The following RWDD3 variants were observed in gnomAD, a reference collection of about 807,000 sequenced individuals.
The protein encoded by RWDD3 is RWD domain-containing protein 3.
In RWDD3, 30 loss-of-function variants were observed where a neutral mutation model predicts 26.5. That is an observed-to-expected ratio of 1.13 (90% confidence interval 0.85 to 1.54). RWDD3 has a LOEUF of 1.54. Ranked by LOEUF, RWDD3 falls within the 40% of genes most tolerant of loss-of-function variation. The pLI, the probability that RWDD3 is intolerant of heterozygous loss-of-function variation, is 0.00. For synonymous variants in RWDD3, 113 were observed against 114.5 expected (o/e 0.99, Z 0.09); for missense variants, 296 against 309.1 (o/e 0.96, Z 0.32).
intron 1 of RWDD3, among the ~76,000 whole-genome samples, chr1:95,241,817 T>A (rs1680637955): frequency 6.6e-6 from 1 of 152,018 alleles, no homozygotes; most frequent in East Asian, 1.9e-4. Flanking sequence ...ATGACAAGGG[T>A]CATGAGTAAA....
At chr1:95,236,943 T>C (rs983233803) in intron 1 of RWDD3, among the ~76,000 whole-genome samples, 1 of 152,214 alleles carries the variant, frequency 6.6e-6, no homozygotes, top group Admixed American at 6.5e-5. Context: ...TTGAGAACAC[T>C]GTGAACCCTT....
At chr1:95,245,013 A>G (rs568095472) in intron 2 of RWDD3, 105 of 262,382 alleles carry the variant, frequency 4.0e-4, no homozygotes, top group African/African-American at 2.2e-3. Flanking sequence ...AATTTTATAA[A>G]TGTGCACTAA....
At chr1:95,234,347 C>T in intron 1 of RWDD3, 32 bp downstream of exon 1, 2 of 1,554,086 alleles carry the variant, frequency 1.3e-6, no homozygotes, top group East Asian at 2.4e-5. Flanking sequence ...GGACAGGGCG[C>T]CCTCAGGGGC....
intron 1 of RWDD3, among the ~76,000 whole-genome samples, chr1:95,238,992 T>G (rs1680490749): frequency 6.6e-6 from 1 of 152,236 alleles, no homozygotes; most frequent in Non-Finnish European, 1.5e-5. Flanking sequence ...CAGAATGATT[T>G]GGTTAGAAAC....
At chr1:95,245,986 T>A (rs2101126393) in intron 2 of RWDD3, 1 of 152,216 alleles carries the variant, frequency 6.6e-6, no homozygotes, top group East Asian at 1.9e-4. Flanking sequence ...AAATTTCTCT[T>A]ATATTTTTAT....
intron 1 of RWDD3, among the ~76,000 whole-genome samples, chr1:95,235,992 A>G (rs967553382): frequency 6.6e-6 from 1 of 152,188 alleles, no homozygotes; most frequent in African/African-American, 2.4e-5. Flanking sequence ...TGTAGCTACC[A>G]TTAAAATTGG....
chr1:95,246,509 G>T (rs767387624), intron 2 of RWDD3, 33 bp from the exon 3 acceptor site: 6 of 1,252,640 alleles, frequency 4.8e-6, no homozygotes, highest in Non-Finnish European at 7.0e-6. Flanking sequence ...CTCAGAGTAA[G>T]ATATGTATTT....
intron 1 of RWDD3, among the ~76,000 whole-genome samples, chr1:95,237,711 C>A (rs1035477659): frequency 6.6e-6 from 1 of 152,088 alleles, no homozygotes; most frequent in African/African-American, 2.4e-5. Flanking sequence ...AGTCCAGGTG[C>A]CAGATTTGAT....
At chr1:95,237,440 C>T (rs1421088013) in intron 1 of RWDD3, 2 of 150,920 alleles carry the variant, frequency 1.3e-5, no homozygotes, top group East Asian at 3.9e-4. Flanking sequence ...ACTGCTAACC[C>T]AAGGATCAAC....
At chr1:95,246,398 C>G in intron 2 of RWDD3, 144 bp from the exon 3 acceptor site, 1 of 570,510 alleles carries the variant, frequency 1.8e-6, no homozygotes, top group African/African-American at 1.9e-5. Context: ...TATGTTAAAA[C>G]AAGTATATAA....
Position 95,246,808 on chromosome 1 carries a change from G to T in RWDD3, c.742G>T (p.Glu248Ter). The T allele has an allele frequency of 6.4e-7, 1 of 1,570,506 alleles. No individual in the cohort carries two copies. The highest frequency in any genetic ancestry group is 2.3e-5 in the East Asian group (1 of 43,362). Residue 248 changes from glutamate (E) to a stop codon, truncating the protein, a stop_gained, in exon 4 of 4, where the codon GAA (glutamate) becomes TAA (stop). Transcript: ENST00000370202. LOFTEE classifies it high-confidence loss of function. Reference protein sequence around the residue: ...EYSALDELQKEFETAGLKKLF... With the variant: ...EYSALDELQK ...TTCAGCGTTGGATGAATTACAAAAG[G>T]AATTTGAAACTGCAGGACTTAAGAA... is the stretch of plus-strand genomic sequence containing the variant.
chr1:95,238,954 G>A (rs962511923), intron 1 of RWDD3, among the ~76,000 whole-genome samples: 22 of 152,280 alleles, frequency 1.4e-4, no homozygotes, highest in African/African-American at 4.8e-4. Flanking sequence ...TGTGTTTTAG[G>A]TATGAAAATG....
chr1:95,237,460 C>T (rs929102415), intron 1 of RWDD3: 3 of 152,126 alleles, frequency 2.0e-5, no homozygotes, highest in Admixed American at 6.5e-5. Context: ...CTATTAAGGC[C>T]GTAAGATTGA....
intron 1 of RWDD3, 95 bp downstream of exon 1, chr1:95,234,410 C>T: frequency 1.7e-6 from 2 of 1,164,168 alleles, no homozygotes; most frequent in Non-Finnish European, 2.5e-6. Context: ...GGCACCCCGC[C>T]TGGGCCCACG....
At chr1:95,243,871 G>A (rs571016076) in intron 1 of RWDD3, among the ~76,000 whole-genome samples, 1 of 152,104 alleles carries the variant, frequency 6.6e-6, no homozygotes, top group African/African-American at 2.4e-5. Flanking sequence ...GCTCATATGA[G>A]TTTATTAGGG....
chr1:95,239,348 T>G (rs1680507333), intron 1 of RWDD3, among the ~76,000 whole-genome samples: 1 of 152,206 alleles, frequency 6.6e-6, no homozygotes, highest in African/African-American at 2.4e-5. Context: ...AAATCAGACT[T>G]ACAGTGCATG....
At chr1:95,240,056 A>C in intron 1 of RWDD3, 1 of 640,546 alleles carries the variant, frequency 1.6e-6, no homozygotes, top group South Asian at 1.8e-5. Context: ...TCTCCTCCTT[A>C]TAGGGACCCT....
chr1:95,243,431 C>A (rs1421191523), intron 1 of RWDD3: 1 of 152,238 alleles, frequency 6.6e-6, no homozygotes, highest in Non-Finnish European at 1.5e-5. Context: ...TTTATTTGCA[C>A]CCAGTTCTGT....
At position 95,246,624 on chromosome 1, in the gene RWDD3, T is replaced by C; in HGVS notation, c.656T>C (p.Leu219Pro). Residue 219 changes from leucine (L) to proline (P), a missense_variant, in exon 3 of 4, where the codon CTG becomes CCG. Leu to Pro is a moderately conservative substitution (Grantham distance 98). Transcript: ENST00000370202. ...TGCAAAGAGAAAATGATTAGTGTAC[T>C]GTTTGAAACAAAAGTACAGACAGAA... ...KKCKEKMISV[L>P]FETKVQTEHK... 1.9e-6 allele frequency: 3 copies of C among 1,611,942 alleles called. No individual in the cohort carries two copies. Among genetic ancestry groups the C allele is most frequent in the Non-Finnish European group, 2.5e-6 (3 of 1,178,556 alleles).
Sources: gnomAD v4.1 joint callset for allele counts (sites outside exome capture counted in the v4.1 genomes callset) on GRCh38, gnomAD v4.1.1 for gene constraint, MANE v1.5 for transcripts, NCBI Gene and HGNC (gene_info 2026-07-23, HGNC 2026-07-21) for gene names.